KLHL4: variants seen among roughly 807,000 people sequenced by gnomAD.
KLHL4 encodes kelch like family member 4.
A neutral mutation model predicts 45.8 loss-of-function variants in KLHL4; 17 were observed. That is an observed-to-expected ratio of 0.37 (90% CI 0.25 to 0.56). The LOEUF (loss-of-function observed/expected upper bound fraction) is 0.56. Among genes scored for constraint, KLHL4 ranks in the 20% least tolerant of loss-of-function variants. The pLI, the probability that KLHL4 is intolerant of heterozygous loss-of-function variation, is 0.79. For synonymous variants in KLHL4, 224 were observed against 189.9 expected (o/e 1.18, Z -1.47); for missense variants, 544 against 544.9 (o/e 1.00, Z 0.02).
chrX:87,620,560 G>A (rs920347224), intron 4 of KLHL4, among the ~76,000 whole-genome samples: 2 of 111,796 alleles, frequency 1.8e-5, no homozygotes. Context: ...AGATATTGAG[G>A]TGTCCGTAAT....
At chrX:87,580,797 A>C (rs181303041) in intron 1 of KLHL4, among the ~76,000 whole-genome samples, 89 of 112,355 alleles carry the variant, frequency 7.9e-4, no homozygotes, top group Middle Eastern at 4.7e-3. Context: ...AATTGATTGA[A>C]TATCCAGACA....
At chrX:87,617,592 G>C (rs1376390302) in intron 3 of KLHL4, among the ~76,000 whole-genome samples, 2 of 111,704 alleles carry the variant, frequency 1.8e-5, no homozygotes, top group African/African-American at 6.5e-5. Context: ...GGTGTACAAC[G>C]TAATATTCTC....
chrX:87,606,755 G>A (rs962890429), intron 1 of KLHL4, among the ~76,000 whole-genome samples: 7 of 110,760 alleles, frequency 6.3e-5, no homozygotes, highest in Non-Finnish European at 1.3e-4. Context: ...GATTAATGTA[G>A]CAAATGTCTT....
At chrX:87,537,573 A>T (rs914467170) in intron 1 of KLHL4, among the ~76,000 whole-genome samples, 12 of 110,808 alleles carry the variant, frequency 1.1e-4, no homozygotes, top group Non-Finnish European at 9.5e-5. Context: ...AAAAGATTAC[A>T]CTTTCAAAAA....
At chrX:87,665,775 A>T (rs1201408815) in intron 10 of KLHL4, among the ~76,000 whole-genome samples, 2 of 111,446 alleles carry the variant, frequency 1.8e-5, no homozygotes, top group Non-Finnish European at 3.8e-5. Flanking sequence ...TCTACAGGGT[A>T]CAGCTATCTA....
At chrX:87,594,758 G>T (rs1466418979) in intron 1 of KLHL4, among the ~76,000 whole-genome samples, 1 of 111,568 alleles carries the variant, frequency 9.0e-6, no homozygotes, top group Non-Finnish European at 1.9e-5. Context: ...AAAATCATAA[G>T]ATTTTTCTAT....
chrX:87,654,760 C>A (rs1198271446), intron 9 of KLHL4, among the ~76,000 whole-genome samples: 1 of 111,654 alleles, frequency 9.0e-6, no homozygotes, highest in Non-Finnish European at 1.9e-5. Context: ...GCATTCCCAC[C>A]AACAGTGTGT....
At chrX:87,625,931 T>C in intron 6 of KLHL4, 135 bp downstream of exon 6, 2 of 470,333 alleles carry the variant, frequency 4.3e-6, no homozygotes, top group Non-Finnish European at 6.9e-6. Flanking sequence ...CATTATATGA[T>C]TTTTGTGACC....
intron 9 of KLHL4, among the ~76,000 whole-genome samples, chrX:87,642,948 G>T (rs752645179): frequency 8.9e-6 from 1 of 111,958 alleles, no homozygotes; most frequent in African/African-American, 3.2e-5. Flanking sequence ...CTGAGGAAGA[G>T]AATTCTAAAA....
chrX:87,633,958 T>C (rs2147824982), intron 8 of KLHL4, 47 bp downstream of exon 8: 1 of 1,038,669 alleles, frequency 9.6e-7, no homozygotes, highest in East Asian at 3.1e-5. Flanking sequence ...GGTCATATAG[T>C]ATAGAACTTC....
At chrX:87,563,274 T>C (rs897168270) in intron 1 of KLHL4, among the ~76,000 whole-genome samples, 1 of 109,326 alleles carries the variant, frequency 9.1e-6, no homozygotes, top group Non-Finnish European at 1.9e-5. Flanking sequence ...CAGGACCTCA[T>C]CAAAAATAAA....
At chrX:87,634,768 C>T (rs1054673725) in intron 8 of KLHL4, among the ~76,000 whole-genome samples, 1 of 111,470 alleles carries the variant, frequency 9.0e-6, no homozygotes, top group African/African-American at 3.3e-5. Context: ...TAAATCTATC[C>T]GTGGCCTCAC....
chrX:87,517,935 C>A lies in KLHL4; in HGVS notation c.42C>A (p.Ile14=). ...AGAAAGAGTTTGATGTGAAACAGAT[C>A]CTAAGGCTACGCTGGAGGTGGTTTA... is the stretch of plus-strand genomic sequence containing the variant. The part of the protein sequence containing the change: ...SGKKEFDVKQ[I]LRLRWRWFSH... Residue 14 remains isoleucine (I), a synonymous_variant, in exon 1 of 11, where the codon ATC becomes ATA. Transcript: ENST00000373119. The A allele has an allele frequency of 8.3e-7, 1 of 1,210,937 alleles. No individual in the cohort carries two copies. Among genetic ancestry groups the A allele is most frequent in the Non-Finnish European group, 1.1e-6 (1 of 895,082 alleles).
At chrX:87,566,660 T>A (rs1233491143) in intron 1 of KLHL4, among the ~76,000 whole-genome samples, 1 of 111,447 alleles carries the variant, frequency 9.0e-6, no homozygotes. Flanking sequence ...AGTTGAAAAA[T>A]CATAAGTCAA....
At chrX:87,531,420 A>G (rs1019001107) in intron 1 of KLHL4, among the ~76,000 whole-genome samples, 2 of 111,322 alleles carry the variant, frequency 1.8e-5, no homozygotes, top group Non-Finnish European at 3.8e-5. Context: ...TAAGTCTTTA[A>G]TCCACCTTGA....
chrX:87,622,417 A>C lies in KLHL4; in HGVS notation c.1131A>C (p.Pro377=), dbSNP rs772021121. ...CTTACATCAGACTGCCATTACTCCCACCACAGGTATGGAAAATTACCTAGG... is the reference window on the plus strand; with the variant it reads ...CTTACATCAGACTGCCATTACTCCCCCCACAGGTATGGAAAATTACCTAGG... ...LLSYIRLPLL[P]PQLLADLETS... Residue 377 remains proline, a synonymous_variant, in exon 5 of 11, where the codon CCA becomes CCC. Coordinates refer to ENST00000373119, the MANE Select transcript of KLHL4 (RefSeq NM_019117.5). 8 of 1,175,241 alleles carry C rather than the reference A, an allele frequency of 6.8e-6. No homozygotes were observed. The highest frequency in any genetic ancestry group is 9.2e-6 in the Non-Finnish European group (8 of 870,074).
chrX:87,615,029 T>G (rs1038211719), intron 3 of KLHL4, among the ~76,000 whole-genome samples: 2 of 111,378 alleles, frequency 1.8e-5, no homozygotes, highest in Non-Finnish European at 3.8e-5. Context: ...ATTTGGGGAC[T>G]AAAAAGTATT....
chrX:87,641,798 A>T (rs1340135844), intron 9 of KLHL4, among the ~76,000 whole-genome samples: 2 of 110,040 alleles, frequency 1.8e-5, no homozygotes, highest in Non-Finnish European at 3.8e-5. Context: ...AACCTGCATG[A>T]CTCAGCAGAG....
At chrX:87,639,335 A>C (rs1923372764) in intron 9 of KLHL4, among the ~76,000 whole-genome samples, 1 of 111,590 alleles carries the variant, frequency 9.0e-6, no homozygotes, top group African/African-American at 3.3e-5. Context: ...ACTATACCCC[A>C]GAACTAATGG....
Sources: allele counts gnomAD v4.1 joint callset (sites outside exome capture counted in the v4.1 genomes callset), GRCh38; gene constraint gnomAD v4.1.1; transcripts MANE v1.5; gene names NCBI Gene and HGNC (gene_info 2026-07-23, HGNC 2026-07-21).